LNP1: variants seen among roughly 807,000 people sequenced by gnomAD.
LNP1 encodes leukemia NUP98 fusion partner 1.
A neutral mutation model predicts 14.5 loss-of-function variants in LNP1; 12 were observed. The observed-to-expected ratio is 0.83, with a 90% CI of 0.53 to 1.34. The LOEUF (loss-of-function observed/expected upper bound fraction) is 1.34. Among genes scored for constraint, LNP1 ranks in the 40% most tolerant of loss-of-function variants. The pLI is 0.00. For missense variants in LNP1, 198 were observed against 210.9 expected (o/e 0.94, Z 0.38); for synonymous variants, 75 against 71.4 (o/e 1.05, Z -0.26).
At chr3:100,430,444 A>G (rs1157632979) in intron 2 of LNP1, among the ~76,000 whole-genome samples, 1 of 152,198 alleles carries the variant, frequency 6.6e-6, no homozygotes, top group Non-Finnish European at 1.5e-5. Context: ...AGAGCACCTG[A>G]TATCTGAGGA....
chr3:100,409,627 C>G (rs1331174980), intron 1 of LNP1, among the ~76,000 whole-genome samples: 1 of 141,018 alleles, frequency 7.1e-6, no homozygotes, highest in Non-Finnish European at 1.5e-5. Context: ...TTTTGAGTCT[C>G]ACTCTTATAG....
Position 100,455,813 on chromosome 3 carries a change from T to G in LNP1, c.424T>G (p.Cys142Gly). The G allele has an allele frequency of 6.2e-7, 1 of 1,614,022 alleles. No individual in the cohort carries two copies. ...CAGAAAGGAGAGAAATGAAAGAGAA[T>G]GCCTGAGGATGGAGATAAAATCCCG... ...ESRKERNERE[C>G]LRMEIKSRKK... is the part of the protein sequence containing the mutation. The change falls in exon 4 of 4, where the codon TGC becomes GGC. Residue 142 changes from cysteine to glycine, a missense_variant. Cys to Gly is a radical substitution (Grantham distance 159). Transcript: ENST00000383693.
intron 2 of LNP1, among the ~76,000 whole-genome samples, chr3:100,441,337 G>A (rs55937923): frequency 0.038 from 5,732 of 152,242 alleles, 354 homozygotes; most frequent in African/African-American, 0.13. Flanking sequence ...AGCTGTGGGC[G>A]AGGAAGCTGG....
At chr3:100,411,898 T>C (rs1034395694) in intron 1 of LNP1, among the ~76,000 whole-genome samples, 2 of 152,102 alleles carry the variant, frequency 1.3e-5, no homozygotes, top group Non-Finnish European at 2.9e-5. Context: ...GACAAAAATA[T>C]TCAGTCCATA....
intron 1 of LNP1, among the ~76,000 whole-genome samples, chr3:100,402,692 T>C (rs1188070630): frequency 6.6e-6 from 1 of 152,116 alleles, no homozygotes; most frequent in Non-Finnish European, 1.5e-5. Flanking sequence ...TCTTGGAGGA[T>C]TGTAGAGTGC....
At chr3:100,434,059 C>T (rs1707268224) in intron 2 of LNP1, among the ~76,000 whole-genome samples, 1 of 152,150 alleles carries the variant, frequency 6.6e-6, no homozygotes, top group African/African-American at 2.4e-5. Flanking sequence ...TGCAGAAGCT[C>T]TTTAGCTTAA....
intron 2 of LNP1, among the ~76,000 whole-genome samples, chr3:100,431,992 T>TTA (rs66513332): frequency 5.5e-4 from 19 of 34,682 alleles, no homozygotes; most frequent in Non-Finnish European, 1.1e-3. Flanking sequence ...GAGACCTTGT[T>TTA]TATATATATA....
Position 100,449,468 on chromosome 3 carries a change from C to T in LNP1, c.157-2251C>T, listed in dbSNP as rs116581794. On this transcript the variant is annotated intron_variant, in intron 2 of 3. Coordinates refer to ENST00000383693, the MANE Select transcript of LNP1 (RefSeq NM_001085451.2). The stretch of plus-strand genomic sequence containing the variant: ...CCCAAAGGGAGTCTGGCACCTTCTC[C>T]GTTTTCGTTAAAGAACCCTGGGCTA... 5.8e-3 allele frequency among the ~76,000 whole-genome samples: 889 copies of T among 152,270 alleles called. 5 individuals carry two copies. The highest frequency in any genetic ancestry group is 0.01 in the Middle Eastern group (3 of 294).
chr3:100,409,649 G>A (rs1707009947), intron 1 of LNP1, among the ~76,000 whole-genome samples: 1 of 147,884 alleles, frequency 6.8e-6, no homozygotes, highest in African/African-American at 2.5e-5. Flanking sequence ...CCAGGCCAGA[G>A]TGCAGTGGCG....
At chr3:100,445,618 TAGC>T (rs1707380150) in intron 2 of LNP1, among the ~76,000 whole-genome samples, 1 of 152,216 alleles carries the variant, frequency 6.6e-6, no homozygotes, top group African/African-American at 2.4e-5. Context: ...CAGTTTATTT[TAGC>T]AAACCAAAAC....
chr3:100,431,198 T>G lies in LNP1; in HGVS notation c.156+1313T>G, dbSNP rs115551659. ...TGGCCTCTTGAAGCCACAGGAAATA[T>G]GAAAACATAGAAAGAAACATGGTTT... On this transcript the variant is annotated intron_variant, in intron 2 of 3. Coordinates refer to ENST00000383693, the MANE Select transcript of LNP1 (RefSeq NM_001085451.2). 9.7e-3 allele frequency among the ~76,000 whole-genome samples: 1,471 copies of G among 152,316 alleles called. 8 individuals are homozygous for G. Among genetic ancestry groups the G allele is most frequent in the Non-Finnish European group, 0.013 (915 of 68,026 alleles).
chr3:100,447,998 T>A (rs1707404469), intron 2 of LNP1, among the ~76,000 whole-genome samples: 1 of 152,228 alleles, frequency 6.6e-6, no homozygotes, highest in African/African-American at 2.4e-5. Flanking sequence ...ATGAAATCTC[T>A]ATTCTTTAGA....
At chr3:100,438,110 G>A (rs1411678438) in intron 2 of LNP1, among the ~76,000 whole-genome samples, 1 of 152,078 alleles carries the variant, frequency 6.6e-6, no homozygotes, top group African/African-American at 2.4e-5. Context: ...GCCAGCACCT[G>A]GATCTTTCTC....
intron 1 of LNP1, among the ~76,000 whole-genome samples, chr3:100,413,888 A>C (rs908653006): frequency 6.6e-6 from 1 of 152,202 alleles, no homozygotes; most frequent in Non-Finnish European, 1.5e-5. Context: ...TGTTCTTAGC[A>C]TTGCTCTAGC....
At chr3:100,403,690 C>T (rs1706936336) in intron 1 of LNP1, among the ~76,000 whole-genome samples, 1 of 152,158 alleles carries the variant, frequency 6.6e-6, no homozygotes, top group Non-Finnish European at 1.5e-5. Context: ...CTACCTGCCT[C>T]GGCCTCCCAA....
At chr3:100,435,935 G>C (rs1435404049) in intron 2 of LNP1, among the ~76,000 whole-genome samples, 1 of 152,212 alleles carries the variant, frequency 6.6e-6, no homozygotes, top group African/African-American at 2.4e-5. Context: ...AAACTGGCTA[G>C]AACCAGTCCA....
chr3:100,436,279 G>T (rs576975298), intron 2 of LNP1, among the ~76,000 whole-genome samples: 1 of 152,236 alleles, frequency 6.6e-6, no homozygotes, highest in East Asian at 1.9e-4. Context: ...TAACATTAAT[G>T]CTGGTCAATT....
At chr3:100,425,677 G>A (rs976799047) in intron 1 of LNP1, among the ~76,000 whole-genome samples, 2 of 152,138 alleles carry the variant, frequency 1.3e-5, no homozygotes, top group African/African-American at 4.8e-5. Flanking sequence ...AGGGTAGAAA[G>A]GGTTGGGTGT....
intron 2 of LNP1, among the ~76,000 whole-genome samples, chr3:100,437,638 C>A (rs1707304447): frequency 6.6e-6 from 1 of 152,156 alleles, no homozygotes; most frequent in Admixed American, 6.5e-5. Context: ...CTAGTCCACT[C>A]ATTTGTAGTC....
Sources: allele counts gnomAD v4.1 joint callset (sites outside exome capture counted in the v4.1 genomes callset), GRCh38; gene constraint gnomAD v4.1.1; transcripts MANE v1.5; gene names NCBI Gene and HGNC (gene_info 2026-07-23, HGNC 2026-07-21).